EYS: variants seen among roughly 807,000 people sequenced by gnomAD.
The protein encoded by EYS is protein eyes shut homolog.
A neutral mutation model predicts 282.1 loss-of-function variants in EYS; 250 were observed. The observed-to-expected ratio is 0.89, with a 90% CI of 0.80 to 0.98. EYS has a LOEUF of 0.98. EYS is among the 50% of genes least tolerant of loss of function. The pLI is 0.00. For missense variants in EYS, 4,016 were observed against 3,709.0 expected (o/e 1.08, Z -2.15); for synonymous variants, 1,355 against 1,282.9 (o/e 1.06, Z -1.20).
At chr6:63,873,618 C>A (rs762233194) in intron 35 of EYS, among the ~76,000 whole-genome samples, 23 of 152,152 alleles carry the variant, frequency 1.5e-4, no homozygotes, top group Non-Finnish European at 3.1e-4. Context: ...ACAGTCCCAC[C>A]AACAGTGTAA....
At chr6:64,253,302 C>T (rs770638187) in intron 30 of EYS, among the ~76,000 whole-genome samples, 1 of 152,068 alleles carries the variant, frequency 6.6e-6, no homozygotes, top group African/African-American at 2.4e-5. Flanking sequence ...TAATTGCACA[C>T]ATCAGAAACT....
At chr6:63,888,415 C>G (rs761240588) in intron 35 of EYS, among the ~76,000 whole-genome samples, 2 of 152,228 alleles carry the variant, frequency 1.3e-5, no homozygotes, top group Non-Finnish European at 2.9e-5. Context: ...GCAGGTGCCC[C>G]TCTGGGGCGA....
rs993862484 is a variant in EYS at position 64,117,338 on chromosome 6, C to G, written c.6425-35336G>C. ...AGAAAGAGAGGAACAACCCCCCCCC[C>G]AATTAGTAGAAGGAAATAACAAAGA... On this transcript the variant is annotated intron_variant, in intron 31 of 42. Coordinates refer to ENST00000503581, the MANE Select transcript of EYS (RefSeq NM_001142800.2). 4.8e-5 allele frequency among the ~76,000 whole-genome samples: 7 copies of G among 146,306 alleles called. No homozygotes were observed. The East Asian group carries it at 1.2e-3, about 25-fold the overall frequency.
chr6:65,524,882 C>G (rs1767499045), intron 2 of EYS, among the ~76,000 whole-genome samples: 1 of 152,174 alleles, frequency 6.6e-6, no homozygotes, highest in Admixed American at 6.5e-5. Flanking sequence ...CATCAGAAAG[C>G]TGGCTGATCA....
intron 2 of EYS, among the ~76,000 whole-genome samples, chr6:65,557,033 T>C (rs969255455): frequency 2.6e-5 from 4 of 152,186 alleles, no homozygotes; most frequent in African/African-American, 9.7e-5. Flanking sequence ...ATAAAGAGAT[T>C]TTAGTCATTA....
At chr6:64,061,031 T>C (rs1159160834) in intron 33 of EYS, among the ~76,000 whole-genome samples, 1 of 152,186 alleles carries the variant, frequency 6.6e-6, no homozygotes, top group Non-Finnish European at 1.5e-5. Context: ...CTAACCAAAA[T>C]AAATTATTAG....
intron 31 of EYS, among the ~76,000 whole-genome samples, chr6:64,190,713 C>T (rs1481748653): frequency 2.0e-5 from 3 of 152,030 alleles, no homozygotes; most frequent in Admixed American, 6.6e-5. Context: ...TTCTCTCTTC[C>T]TTCTGTGGAG....
chr6:63,832,618 G>A (rs951944255), intron 36 of EYS, among the ~76,000 whole-genome samples: 5 of 152,102 alleles, frequency 3.3e-5, no homozygotes, highest in Non-Finnish European at 5.9e-5. Context: ...CGGATTCACA[G>A]CCTAATTCTA....
At chr6:64,137,082 T>C (rs898940156) in intron 31 of EYS, among the ~76,000 whole-genome samples, 14 of 152,184 alleles carry the variant, frequency 9.2e-5, no homozygotes, top group African/African-American at 3.4e-4. Flanking sequence ...CTGCAGCTTC[T>C]ACATCATCAC....
intron 31 of EYS, among the ~76,000 whole-genome samples, chr6:64,215,225 A>T (rs955789260): frequency 7.9e-5 from 12 of 152,074 alleles, no homozygotes. Flanking sequence ...AGTTTCAGTG[A>T]TATACCAAAA....
intron 33 of EYS, among the ~76,000 whole-genome samples, chr6:64,020,831 T>C (rs1396310457): frequency 6.6e-6 from 1 of 152,186 alleles, no homozygotes; most frequent in Non-Finnish European, 1.5e-5. Flanking sequence ...GAGAATATTA[T>C]AAATGTTAAA....
At chr6:64,440,285 C>A (rs1774896756) in intron 26 of EYS, among the ~76,000 whole-genome samples, 1 of 151,830 alleles carries the variant, frequency 6.6e-6, no homozygotes, top group Non-Finnish European at 1.5e-5. Context: ...CCTATGTGTG[C>A]TGTCTTTATT....
At chr6:63,727,916 A>T (rs1463010106) in intron 41 of EYS, among the ~76,000 whole-genome samples, 1 of 146,256 alleles carries the variant, frequency 6.8e-6, no homozygotes, top group Non-Finnish European at 1.5e-5. Context: ...ACGGAGTGGG[A>T]CCCTGTCGTA....
At chr6:63,812,211 C>T (rs1771065525) in intron 36 of EYS, among the ~76,000 whole-genome samples, 1 of 152,196 alleles carries the variant, frequency 6.6e-6, no homozygotes, top group South Asian at 2.1e-4. Flanking sequence ...TCTGCTGCAG[C>T]CATGCTAACT....
intron 18 of EYS, among the ~76,000 whole-genome samples, chr6:64,894,297 G>C (rs1411264622): frequency 6.6e-6 from 1 of 152,030 alleles, no homozygotes; most frequent in East Asian, 1.9e-4. Context: ...AATTACAATA[G>C]ATCTAAGAAT....
rs74760912 is a variant in EYS, at chr6:64,221,811, T to C, written c.6424+8781A>G. Among the ~76,000 whole-genome samples, 159 of 152,200 alleles carry C rather than the reference T, an allele frequency of 1.0e-3. 2 individuals carry two copies. In the East Asian group the frequency reaches 0.028, roughly 27 times the overall value. On this transcript the variant is annotated intron_variant, in intron 31 of 42. Coordinates refer to ENST00000503581, the MANE Select transcript of EYS (RefSeq NM_001142800.2). ...ATAAGAAACTTGATTGTTTATGGTA[T>C]CTGAGAGGAGTCCTGGAGCCAATCT...
chr6:64,694,153 G>A (rs1448471776), intron 22 of EYS, among the ~76,000 whole-genome samples: 1 of 152,022 alleles, frequency 6.6e-6, no homozygotes, highest in Non-Finnish European at 1.5e-5. Flanking sequence ...AATCGTTGTT[G>A]GGTTTTTTCC....
intron 2 of EYS, among the ~76,000 whole-genome samples, chr6:65,525,625 A>C (rs1213028245): frequency 6.6e-6 from 1 of 152,226 alleles, no homozygotes; most frequent in Non-Finnish European, 1.5e-5. Context: ...GGAGATCAGC[A>C]ACACAGAGTA....
At chr6:65,220,217 A>C (rs907627839) in intron 12 of EYS, among the ~76,000 whole-genome samples, 2 of 152,108 alleles carry the variant, frequency 1.3e-5, no homozygotes, top group African/African-American at 4.8e-5. Flanking sequence ...TTTTATTTTT[A>C]AAAGTATCAC....
Sources: gnomAD v4.1 joint callset for allele counts (sites outside exome capture counted in the v4.1 genomes callset) on GRCh38, gnomAD v4.1.1 for gene constraint, MANE v1.5 for transcripts, NCBI Gene and HGNC (gene_info 2026-07-23, HGNC 2026-07-21) for gene names.